GFAP: variants seen among roughly 807,000 people sequenced by gnomAD.
The protein encoded by GFAP is intermediate filament protein.
Under a neutral mutation model 49.3 loss-of-function variants are expected in GFAP, and 38 were observed. That is an observed-to-expected ratio of 0.77 (90% CI 0.60 to 1.01). GFAP has a LOEUF of 1.01. Among genes scored for constraint, GFAP ranks in the 50% least tolerant of loss-of-function variants. The pLI, the probability that GFAP is intolerant of heterozygous loss-of-function variation, is 0.00. For missense variants in GFAP, 463 were observed against 579.1 expected, an observed-to-expected ratio of 0.80 and a Z score of 2.06; for synonymous variants, 222 against 236.4, an observed-to-expected ratio of 0.94 and a Z score of 0.56.
At chr17:44,909,940 A>G (rs2051719020) in intron 7 of GFAP, 6 of 1,433,244 alleles carry the variant, frequency 4.2e-6, no homozygotes, top group Non-Finnish European at 5.5e-6. Context: ...TACCACTAAC[A>G]AGCTCTGCCA....
rs932228534 is a variant in GFAP, at chr17:44,910,826, A to G, written c.1128-168T>C. ...CAGCCAACGTGCTATCTGGAGTTCC[A>G]AACGTCTGCAAGGGGCTTGAGTGTT... On this transcript the variant is annotated intron_variant, in intron 6 of 8. Transcript: ENST00000588735. The G allele has an allele frequency of 4.4e-5, 41 of 931,514 alleles. No homozygotes were observed. In the African/African-American group the frequency reaches 6.6e-4, roughly 15 times the overall value. The allele number at this position is 931,514 out of a possible 1,614,324, so 57.7% of individuals were successfully genotyped here.
At chr17:44,910,003 T>C in intron 7 of GFAP, 6 of 1,544,204 alleles carry the variant, frequency 3.9e-6, no homozygotes, top group Non-Finnish European at 5.2e-6. Flanking sequence ...CTGCAGTTCC[T>C]GGGAAAATGA....
chr17:44,907,714 C>T, intron 8 of GFAP: 1 of 555,414 alleles, frequency 1.8e-6, no homozygotes. Flanking sequence ...ATGGAAAGCC[C>T]TCCCCATCCC....
Position 44,914,096 on chromosome 17 carries a change from G to A in GFAP, c.462-8C>T, listed in dbSNP as rs371492346. On this transcript the variant is annotated splice_region_variant and splice_polypyrimidine_tract_variant and intron_variant, in intron 1 of 8. Transcript: ENST00000588735. ...TTGGTTTCATCCTGGAGCCTGGAGTGGGGGGACACATTCCTGGGTCCAGGC... is the reference window on the plus strand; with the variant it reads ...TTGGTTTCATCCTGGAGCCTGGAGTAGGGGGACACATTCCTGGGTCCAGGC... The A allele has an allele frequency of 6.5e-5, 101 of 1,546,568 alleles. No homozygotes were observed. The African/African-American group carries it at 1.1e-3, about 17-fold the overall frequency.
chr17:44,912,108 G>GTTTTTT (rs139660955), intron 4 of GFAP, among the ~76,000 whole-genome samples: 1 of 150,704 alleles, frequency 6.6e-6, no homozygotes, highest in African/African-American at 2.5e-5. Context: ...TGTTTTGTGT[G>GTTTTTT]TTTTTGTTTT....
Position 44,910,195 on chromosome 17 carries a change from G to A in GFAP, c.1171+420C>T, listed in dbSNP as rs180974014. On this transcript the variant is annotated intron_variant, in intron 7 of 8. Transcript: ENST00000588735. ...TGGTGAGCCTGTATTGGTATAACTC[G>A]TATTGTGAGGCTTTTGAGATATCTT... The A allele has an allele frequency of 1.6e-4, 260 of 1,613,802 alleles. 1 individual carries two copies. The East Asian group carries it at 4.7e-3, about 29-fold the overall frequency.
At chr17:44,911,605 C>T (rs1465723965) in intron 5 of GFAP, 67 bp downstream of exon 5, 3 of 1,597,572 alleles carry the variant, frequency 1.9e-6, no homozygotes, top group Non-Finnish European at 2.5e-6. Context: ...TGGCCCTTCT[C>T]CCCTGGCATC....
intron 3 of GFAP, 102 bp downstream of exon 3, chr17:44,913,626 C>T (rs760613880): frequency 2.8e-6 from 3 of 1,069,688 alleles, no homozygotes; most frequent in South Asian, 2.5e-5. Context: ...TTTCTCTCCT[C>T]TCTCTGAGTG....
chr17:44,914,555 C>T (rs2051862222), intron 1 of GFAP: 1 of 218,252 alleles, frequency 4.6e-6, no homozygotes, highest in Non-Finnish European at 9.1e-6. Flanking sequence ...GGGTCACAAG[C>T]TGGTGGCAGG....
intron 1 of GFAP, 113 bp downstream of exon 1, chr17:44,914,913 G>T: frequency 1.1e-6 from 1 of 877,160 alleles, no homozygotes; most frequent in Non-Finnish European, 1.8e-6. Context: ...CAAGAGGTAG[G>T]GAGGCCCAGG....
At chr17:44,914,332 C>T in intron 1 of GFAP, 1 of 560,188 alleles carries the variant, frequency 1.8e-6, no homozygotes, top group Non-Finnish European at 3.2e-6. Context: ...CTTCTGCTCA[C>T]ACAGGCGCAT....
rs1448125609 is a variant in GFAP at position 44,904,634 on chromosome 17, GTGCCCCAGGTGC to G, written c.*2701_*2712del. The G allele has an allele frequency of 6.4e-7, 1 of 1,550,576 alleles. No homozygotes were observed. The highest frequency in any genetic ancestry group is 1.2e-5 in the South Asian group (1 of 84,060). On this transcript the variant is annotated 3_prime_UTR_variant, in exon 9 of 9. Transcript: ENST00000588735. ...GTCCAAAGTGGGCAGCCGGCCCTGG[GTGCCCCAGGTGC>G]CCATTCAGTTCCACCAGCAGAGACT... is the stretch of plus-strand genomic sequence containing the variant.
In GFAP at chr17:44,910,851, TA is replaced by T. The variant is rs1954728348; in HGVS notation, c.1128-194del. Reference sequence around the variant, plus strand: ...AAACGTCTGCAAGGGGCTTGAGTGTTATCTGGGAGGGGCGCATGTCTATCTG... The same window carrying T: ...AAACGTCTGCAAGGGGCTTGAGTGTTTCTGGGAGGGGCGCATGTCTATCTG... On this transcript the variant is annotated intron_variant, in intron 6 of 8. Coordinates refer to ENST00000588735, the MANE Select transcript of GFAP (RefSeq NM_002055.5). 4.1e-6 allele frequency: 3 copies of T among 723,742 alleles called. No homozygotes were observed. The Admixed American group carries it at 8.5e-5, about 21-fold the overall frequency. The allele number at this position is 723,742 out of a possible 1,614,324, so 44.8% of individuals were successfully genotyped here. A position where few individuals can be genotyped will look rare whatever the true frequency, so the allele number is the denominator to read the frequency against.
In GFAP at chr17:44,911,699, G is replaced by A. The variant is rs1299447268; in HGVS notation, c.879C>T (p.Thr293=). The change falls in exon 5 of 9, where the codon ACC becomes ACT. Residue 293 remains threonine (T), a synonymous_variant. Transcript: ENST00000588735. ...TGCCGCGCAGAGACTCCAGGTCGCAGGTCAAGGACTGCAACTGGCGCCGGT... is the reference window on the plus strand; with the variant it reads ...TGCCGCGCAGAGACTCCAGGTCGCAAGTCAAGGACTGCAACTGGCGCCGGT... ...NDYRRQLQSL[T]CDLESLRGTN... is the part of the protein sequence containing the mutation. 1 of 1,613,784 alleles carries A rather than the reference G, an allele frequency of 6.2e-7. No individual in the cohort carries two copies. Among genetic ancestry groups the A allele is most frequent in the South Asian group, 1.1e-5 (1 of 91,084 alleles).
Position 44,911,451 on chromosome 17 carries a change from C to G in GFAP, c.912G>C (p.Glu304Asp). ...GCTCGCGCATCTGCCTCTCCAGGGA[C>G]TCGTTCTGTGGGATGGAGCCGGCCG... ...CDLESLRGTN[E>D]SLERQMREQE... Residue 304 changes from glutamate to aspartate, a missense_variant, in exon 6 of 9, where the codon GAG (glutamate) becomes GAC (aspartate). Physicochemically the swap from Glu to Asp is conservative, Grantham distance 45. This residue lies in a region of GFAP where 362 missense variants were observed against 445.5 expected (regional missense o/e 0.81). Coordinates refer to ENST00000588735, the MANE Select transcript of GFAP (RefSeq NM_002055.5). 2 of 1,606,386 alleles carry G rather than the reference C, an allele frequency of 1.2e-6. No homozygotes were observed.
In GFAP at chr17:44,906,984, T is replaced by G; in HGVS notation, c.*363A>C. On this transcript the variant is annotated 3_prime_UTR_variant, in exon 9 of 9. Coordinates refer to ENST00000588735, the MANE Select transcript of GFAP (RefSeq NM_002055.5). ...GAGAACCTCCATCTCTGGCAACAGT[T>G]TCCATAACAACAGGAATCAGGGATG... 1 of 352,742 alleles carries G rather than the reference T, an allele frequency of 2.8e-6. No individual in the cohort carries two copies. The allele number at this position is 352,742 out of a possible 1,614,324, so 21.9% of individuals were successfully genotyped here.
In GFAP at chr17:44,905,154, G is replaced by A; in HGVS notation, c.*2193C>T. 1.8e-6 allele frequency: 2 copies of A among 1,085,338 alleles called. No individual in the cohort carries two copies. Among genetic ancestry groups the A allele is most frequent in the Non-Finnish European group, 2.6e-6 (2 of 756,460 alleles). The allele number at this position is 1,085,338 out of a possible 1,614,324, so 67.2% of individuals were successfully genotyped here. ...AGATGTCTCTGGGTGGGTACCCTGG[G>A]TTGGGACAGGTGGTAGGAACATGTG... On this transcript the variant is annotated 3_prime_UTR_variant, in exon 9 of 9. Coordinates refer to ENST00000588735, the MANE Select transcript of GFAP (RefSeq NM_002055.5).
chr17:44,913,908 C>G, intron 2 of GFAP, 85 bp from the exon 3 acceptor site: 1 of 1,364,998 alleles, frequency 7.3e-7, no homozygotes, highest in South Asian at 1.2e-5. Flanking sequence ...CCTTACCCCT[C>G]CTTCTGGGGC....
chr17:44,913,930 G>C lies in GFAP; in HGVS notation c.522+98C>G, dbSNP rs975648481. 7 of 1,302,460 alleles carry C rather than the reference G, an allele frequency of 5.4e-6. No homozygotes were observed. In the African/African-American group the frequency reaches 1.0e-4, roughly 19 times the overall value. The allele number at this position is 1,302,460 out of a possible 1,614,324, so 80.7% of individuals were successfully genotyped here. A position where few individuals can be genotyped will look rare whatever the true frequency, so the allele number is the denominator to read the frequency against. ...CCTCCTTCTGGGGCAGTGGGGAGCA[G>C]CACATTGCTCTGGCGGGCTGAGCTT... is the stretch of plus-strand genomic sequence containing the variant. On this transcript the variant is annotated intron_variant, in intron 2 of 8. Coordinates refer to ENST00000588735, the MANE Select transcript of GFAP (RefSeq NM_002055.5).
Sources: gnomAD v4.1 joint callset for allele counts (sites outside exome capture counted in the v4.1 genomes callset) on GRCh38, gnomAD v4.1.1 for gene constraint, gnomAD v4.1.1 regional missense constraint, MANE v1.5 for transcripts, NCBI Gene and HGNC (gene_info 2026-07-23, HGNC 2026-07-21) for gene names.